The following VAV3 variants were observed in gnomAD, a reference collection of about 807,000 sequenced individuals.
The protein encoded by VAV3 is vav guanine nucleotide exchange factor 3.
A neutral mutation model predicts 131.2 loss-of-function variants in VAV3; 94 were observed. That is an observed-to-expected ratio of 0.72 (90% CI 0.61 to 0.85). The LOEUF (loss-of-function observed/expected upper bound fraction) is 0.85. Ranked by LOEUF, VAV3 falls within the 40% of genes least tolerant of loss-of-function variation. The probability of loss-of-function intolerance (pLI) is 0.00; values close to 1 mark genes in which losing one functional copy is unlikely to be tolerated. For synonymous variants in VAV3, 349 were observed against 342.0 expected (o/e 1.02, Z -0.22); for missense variants, 939 against 1,002.7 (o/e 0.94, Z 0.86).
At chr1:107,770,504 T>A (rs1664981367) in intron 6 of VAV3, 132 bp downstream of exon 6, 1 of 666,604 alleles carries the variant, frequency 1.5e-6, no homozygotes, top group African/African-American at 1.9e-5. Context: ...TAAATCTGCT[T>A]TGAGATCTTT....
At chr1:107,768,415 A>G (rs764444730) in intron 7 of VAV3, 26 bp downstream of exon 7, 5 of 1,589,686 alleles carry the variant, frequency 3.1e-6, no homozygotes, top group Non-Finnish European at 4.3e-6. Context: ...GTACACCACA[A>G]TTTTAGCTAG....
chr1:107,876,719 C>T lies in VAV3; in HGVS notation c.205-1702G>A, dbSNP rs115671751. On this transcript the variant is annotated intron_variant, in intron 1 of 26. Coordinates refer to ENST00000370056, the MANE Select transcript of VAV3 (RefSeq NM_006113.5). ...GACTCAGATCCACCTAAGCAAAATA[C>T]ACACATACCCTAACTGCAGTGGCAC... is the stretch of plus-strand genomic sequence containing the variant. Among the ~76,000 whole-genome samples the T allele has an allele frequency of 7.8e-3, 1,180 of 152,184 alleles. 15 individuals carry two copies. Among genetic ancestry groups the T allele is most frequent in the African/African-American group, 0.027 (1,131 of 41,506 alleles).
intron 2 of VAV3, among the ~76,000 whole-genome samples, chr1:107,790,758 GCTCACTGCAACCTCCGCCTCC>G: frequency 7.7e-6 from 1 of 130,146 alleles, no homozygotes; most frequent in Non-Finnish European, 1.6e-5. Context: ...CATGATCTTG[GCTCACTGCAACCTCCGCCTCC>G]CAGGTTAAAG....
At chr1:107,754,183 C>G (rs746256575) in intron 12 of VAV3, among the ~76,000 whole-genome samples, 18 of 152,096 alleles carry the variant, frequency 1.2e-4, no homozygotes, top group Non-Finnish European at 2.5e-4. Context: ...CCTTAAATAT[C>G]ATGCCAAGGA....
chr1:107,688,510 C>T (rs1659193176), intron 17 of VAV3, 104 bp from the exon 18 acceptor site: 1 of 1,575,726 alleles, frequency 6.3e-7, no homozygotes, highest in Non-Finnish European at 8.6e-7. Flanking sequence ...GCTTTGTTTT[C>T]TTAACTGATA....
At chr1:107,798,882 CAGA>C (rs780736780) in intron 2 of VAV3, among the ~76,000 whole-genome samples, 15 of 151,924 alleles carry the variant, frequency 9.9e-5, no homozygotes, top group East Asian at 9.7e-4. Context: ...AACTTTTATT[CAGA>C]AGAAGATTTT....
chr1:107,919,172 A>G (rs1672768796), intron 1 of VAV3, among the ~76,000 whole-genome samples: 1 of 152,258 alleles, frequency 6.6e-6, no homozygotes, highest in African/African-American at 2.4e-5. Flanking sequence ...TTACCTTTAG[A>G]TGACAATATA....
chr1:107,753,008 T>C (rs1215305769), intron 12 of VAV3, among the ~76,000 whole-genome samples: 1 of 152,106 alleles, frequency 6.6e-6, no homozygotes, highest in Non-Finnish European at 1.5e-5. Flanking sequence ...GTGACAATAA[T>C]AATATAACAG....
chr1:107,846,767 T>C (rs915306637), intron 2 of VAV3, among the ~76,000 whole-genome samples: 1 of 152,134 alleles, frequency 6.6e-6, no homozygotes, highest in African/African-American at 2.4e-5. Flanking sequence ...CCCAGATTCA[T>C]AAAGCAAGTC....
intron 2 of VAV3, among the ~76,000 whole-genome samples, chr1:107,854,642 T>C (rs1350576231): frequency 6.6e-6 from 1 of 152,242 alleles, no homozygotes; most frequent in African/African-American, 2.4e-5. Context: ...TTGCTAAATC[T>C]AATGACATTT....
chr1:107,871,624 A>G (rs1670258196), intron 2 of VAV3, among the ~76,000 whole-genome samples: 1 of 152,202 alleles, frequency 6.6e-6, no homozygotes, highest in African/African-American at 2.4e-5. Context: ...TAGCACTGAA[A>G]GGCAGAATTA....
chr1:107,662,686 C>T (rs1226281577), intron 19 of VAV3, among the ~76,000 whole-genome samples: 1 of 152,144 alleles, frequency 6.6e-6, no homozygotes, highest in Non-Finnish European at 1.5e-5. Flanking sequence ...ATTTACTAAC[C>T]AAATGAAAGC....
At chr1:107,666,080 AG>A (rs1470448899) in intron 19 of VAV3, among the ~76,000 whole-genome samples, 1 of 152,180 alleles carries the variant, frequency 6.6e-6, no homozygotes, top group African/African-American at 2.4e-5. Flanking sequence ...TTTTTATGCC[AG>A]TATTTTCACC....
intron 2 of VAV3, among the ~76,000 whole-genome samples, chr1:107,824,572 T>C (rs888413012): frequency 6.6e-6 from 1 of 152,170 alleles, no homozygotes; most frequent in African/African-American, 2.4e-5. Context: ...CTACAGGTGT[T>C]CCTTAATTAA....
At chr1:107,765,958 G>A (rs562571448) in intron 8 of VAV3, among the ~76,000 whole-genome samples, 33 of 152,166 alleles carry the variant, frequency 2.2e-4, no homozygotes, top group African/African-American at 7.7e-4. Flanking sequence ...ATTCCTATAG[G>A]TTGTCAGGAG....
At chr1:107,875,057 T>C (rs770857223) in intron 1 of VAV3, 40 bp from the exon 2 acceptor site, 11 of 1,505,744 alleles carry the variant, frequency 7.3e-6, no homozygotes, top group African/African-American at 4.1e-5. Context: ...AAGTTAATTA[T>C]TCTGAATGCT....
intron 25 of VAV3, among the ~76,000 whole-genome samples, chr1:107,591,099 C>A (rs541729749): frequency 6.6e-6 from 1 of 152,206 alleles, no homozygotes; most frequent in African/African-American, 2.4e-5. Context: ...CACAAACGAC[C>A]TCTTTGCTAT....
chr1:107,914,483 G>A (rs371478826), intron 1 of VAV3, among the ~76,000 whole-genome samples: 4 of 152,278 alleles, frequency 2.6e-5, no homozygotes, highest in Admixed American at 6.5e-5. Flanking sequence ...TCCCCAGTGA[G>A]GATTAAACAA....
intron 1 of VAV3, among the ~76,000 whole-genome samples, chr1:107,879,056 C>A (rs1670643783): frequency 6.6e-6 from 1 of 151,910 alleles, no homozygotes; most frequent in Admixed American, 6.6e-5. Context: ...CATATTGTCC[C>A]ACGTTTGGCC....
Sources: gnomAD v4.1 joint callset for allele counts (sites outside exome capture counted in the v4.1 genomes callset) on GRCh38, gnomAD v4.1.1 for gene constraint, MANE v1.5 for transcripts, NCBI Gene and HGNC (gene_info 2026-07-23, HGNC 2026-07-21) for gene names.